The following VAV3 variants were observed in gnomAD, a reference collection of about 807,000 sequenced individuals.
VAV3 encodes guanine nucleotide exchange factor VAV3.
A neutral mutation model predicts 131.2 loss-of-function variants in VAV3; 94 were observed. The observed-to-expected ratio is 0.72, with a 90% CI of 0.61 to 0.85. The LOEUF (loss-of-function observed/expected upper bound fraction) is 0.85. Among genes scored for constraint, VAV3 ranks in the 40% least tolerant of loss-of-function variants. The pLI, the probability that VAV3 is intolerant of heterozygous loss-of-function variation, is 0.00. For synonymous variants in VAV3, 349 were observed against 342.0 expected, an observed-to-expected ratio of 1.02 and a Z score of -0.22; for missense variants, 939 against 1,002.7, an observed-to-expected ratio of 0.94 and a Z score of 0.86.
intron 2 of VAV3, among the ~76,000 whole-genome samples, chr1:107,864,141 A>G (rs1176074806): frequency 6.6e-6 from 1 of 152,210 alleles, no homozygotes; most frequent in Admixed American, 6.6e-5. Context: ...AAAGCAAAAC[A>G]TTACTTTACA....
At chr1:107,762,063 T>C (rs1664469133) in intron 9 of VAV3, among the ~76,000 whole-genome samples, 1 of 151,132 alleles carries the variant, frequency 6.6e-6, no homozygotes, top group Non-Finnish European at 1.5e-5. Context: ...GGTGTGACCT[T>C]GGACAAGTCA....
intron 1 of VAV3, among the ~76,000 whole-genome samples, chr1:107,915,586 T>TA (rs998159182): frequency 2.6e-5 from 4 of 151,972 alleles, no homozygotes; most frequent in South Asian, 2.1e-4. Context: ...TTTTGAGGCT[T>TA]AAAAAAAATC....
intron 2 of VAV3, among the ~76,000 whole-genome samples, chr1:107,872,627 G>A (rs1457827778): frequency 6.6e-6 from 1 of 152,090 alleles, no homozygotes; most frequent in Non-Finnish European, 1.5e-5. Context: ...CTATAAATGG[G>A]AAAAATAATA....
intron 1 of VAV3, among the ~76,000 whole-genome samples, chr1:107,889,353 A>G (rs1671206757): frequency 6.6e-6 from 1 of 152,328 alleles, no homozygotes; most frequent in South Asian, 2.1e-4. Context: ...GGTTTAACAC[A>G]GAAATGTAAT....
chr1:107,775,389 G>A (rs983435343), intron 4 of VAV3, among the ~76,000 whole-genome samples: 2 of 151,874 alleles, frequency 1.3e-5, no homozygotes, highest in South Asian at 4.2e-4. Flanking sequence ...GACCATCCTG[G>A]CTACCACAGT....
intron 1 of VAV3, among the ~76,000 whole-genome samples, chr1:107,881,776 C>G (rs1413598057): frequency 6.6e-6 from 1 of 152,186 alleles, no homozygotes; most frequent in Non-Finnish European, 1.5e-5. Flanking sequence ...GAAAATGTTT[C>G]ATAACCAGGT....
chr1:107,865,154 G>A (rs1053671741), intron 2 of VAV3, among the ~76,000 whole-genome samples: 1 of 152,202 alleles, frequency 6.6e-6, no homozygotes, highest in Non-Finnish European at 1.5e-5. Flanking sequence ...GGGCAGGGTA[G>A]GGTGAAAGTC....
intron 1 of VAV3, among the ~76,000 whole-genome samples, chr1:107,955,985 A>C (rs1421824031): frequency 1.3e-5 from 2 of 152,174 alleles, no homozygotes; most frequent in Non-Finnish European, 2.9e-5. Flanking sequence ...TATATCTCAC[A>C]TCAAATGAAG....
At chr1:107,658,648 G>A (rs1452399287) in intron 19 of VAV3, among the ~76,000 whole-genome samples, 2 of 151,998 alleles carry the variant, frequency 1.3e-5, no homozygotes, top group Non-Finnish European at 2.9e-5. Flanking sequence ...ATTCTAACTG[G>A]TGTGAGATGG....
intron 15 of VAV3, among the ~76,000 whole-genome samples, chr1:107,747,889 A>G (rs1200455084): frequency 6.6e-6 from 1 of 152,202 alleles, no homozygotes; most frequent in Non-Finnish European, 1.5e-5. Context: ...GAACCACAAT[A>G]AAACATCCTA....
intron 1 of VAV3, among the ~76,000 whole-genome samples, chr1:107,882,585 A>G (rs955267973): frequency 1.6e-4 from 24 of 152,134 alleles, no homozygotes; most frequent in African/African-American, 5.6e-4. Context: ...AATAATATCA[A>G]GCTTCTCTCT....
At chr1:107,868,029 T>C (rs149979381) in intron 2 of VAV3, among the ~76,000 whole-genome samples, 8 of 152,046 alleles carry the variant, frequency 5.3e-5, no homozygotes, top group Admixed American at 6.5e-5. Context: ...GGGCTGAAAA[T>C]ACAAGGGCAT....
intron 19 of VAV3, 57 bp downstream of exon 19, chr1:107,683,431 C>A: frequency 5.0e-6 from 8 of 1,591,560 alleles, no homozygotes; most frequent in Non-Finnish European, 3.4e-6. Context: ...ATTCCCATAT[C>A]CTTTCATAAG....
At chr1:107,888,055 T>C (rs958095448) in intron 1 of VAV3, among the ~76,000 whole-genome samples, 14 of 152,044 alleles carry the variant, frequency 9.2e-5, no homozygotes, top group African/African-American at 3.4e-4. Context: ...TTAAGAATAG[T>C]GTGTTAATTC....
chr1:107,764,898 C>T (rs898468410), intron 9 of VAV3, among the ~76,000 whole-genome samples, 178 bp downstream of exon 9: 17 of 152,038 alleles, frequency 1.1e-4, no homozygotes, highest in South Asian at 2.1e-4. Flanking sequence ...AGATTTTTAA[C>T]GACTGTTACT....
chr1:107,949,130 C>T (rs932779646), intron 1 of VAV3, among the ~76,000 whole-genome samples: 8 of 152,148 alleles, frequency 5.3e-5, no homozygotes, highest in Non-Finnish European at 1.0e-4. Flanking sequence ...TAATTAAAAG[C>T]CCTTAGGCTC....
intron 19 of VAV3, among the ~76,000 whole-genome samples, chr1:107,649,293 T>C (rs938661184): frequency 6.6e-6 from 1 of 152,024 alleles, no homozygotes; most frequent in Non-Finnish European, 1.5e-5. Flanking sequence ...GCTTAACATG[T>C]GAGACACCAG....
intron 17 of VAV3, among the ~76,000 whole-genome samples, chr1:107,691,723 G>A (rs542195104): frequency 6.6e-6 from 1 of 152,068 alleles, no homozygotes; most frequent in Admixed American, 6.6e-5. Flanking sequence ...TGACTCATGG[G>A]CCCTCAAGGG....
intron 1 of VAV3, among the ~76,000 whole-genome samples, chr1:107,881,541 A>G (rs1020483527): frequency 2.6e-5 from 4 of 152,234 alleles, no homozygotes; most frequent in Non-Finnish European, 2.9e-5. Flanking sequence ...ATATCCAGTG[A>G]AAAGTGATGT....
Sources: allele counts gnomAD v4.1 joint callset (sites outside exome capture counted in the v4.1 genomes callset), GRCh38; gene constraint gnomAD v4.1.1; transcripts MANE v1.5; gene names NCBI Gene and HGNC (gene_info 2026-07-23, HGNC 2026-07-21).